The following TSEN15 variants were observed in gnomAD, a reference collection of about 807,000 sequenced individuals.
TSEN15 encodes tRNA-splicing endonuclease subunit Sen15.
In TSEN15, 10 loss-of-function variants were observed where a neutral mutation model predicts 20.5. The ratio of observed to expected loss-of-function variants is 0.49; its 90% CI spans 0.30 to 0.83. TSEN15 has a LOEUF of 0.83. Among genes scored for constraint, TSEN15 ranks in the 40% least tolerant of loss-of-function variants. The pLI, the probability that TSEN15 is intolerant of heterozygous loss-of-function variation, is 0.06. For missense variants in TSEN15, 180 were observed against 218.6 expected, an observed-to-expected ratio of 0.82 and a Z score of 1.11; for synonymous variants, 72 against 80.1, an observed-to-expected ratio of 0.90 and a Z score of 0.54.
chr1:184,060,044 A>G (rs1279880884), intron 3 of TSEN15, among the ~76,000 whole-genome samples: 4 of 152,236 alleles, frequency 2.6e-5, no homozygotes, highest in Non-Finnish European at 5.9e-5. Context: ...AAAAATCCCA[A>G]TGGGAAACAT....
At chr1:184,067,941 A>AAAAAAAATATAT (rs1400681024) in intron 3 of TSEN15, among the ~76,000 whole-genome samples, 2 of 95,602 alleles carry the variant, frequency 2.1e-5, no homozygotes, top group African/African-American at 8.4e-5. Context: ...AAAAAAAAAA[A>AAAAAAAATATAT]ATATATATAT....
chr1:184,079,172 G>A (rs1651117923), downstream of TSEN15, among the ~76,000 whole-genome samples: 2 of 152,130 alleles, frequency 1.3e-5, no homozygotes, highest in Admixed American at 1.3e-4. Flanking sequence ...ACTAAGGAAA[G>A]TGGATGGAAA....
At chr1:184,076,161 T>C (rs1211905188), downstream of TSEN15, among the ~76,000 whole-genome samples, 1 of 152,084 alleles carries the variant, frequency 6.6e-6, no homozygotes, top group Non-Finnish European at 1.5e-5. Context: ...AAATTGAAGG[T>C]TTGTGGCAAC....
At chr1:184,077,069 C>T (rs1651074473), downstream of TSEN15, among the ~76,000 whole-genome samples, 1 of 152,020 alleles carries the variant, frequency 6.6e-6, no homozygotes, top group African/African-American at 2.4e-5. Flanking sequence ...GACAGACGGC[C>T]TTATATTGGA....
chr1:184,085,919 G>A (rs1478249591), intron 3 of TSEN15, among the ~76,000 whole-genome samples: 2 of 152,170 alleles, frequency 1.3e-5, no homozygotes, highest in Non-Finnish European at 2.9e-5. Context: ...GTCAGGACTA[G>A]TCAAGGAACT....
intron 3 of TSEN15, among the ~76,000 whole-genome samples, chr1:184,056,531 T>C (rs1188500066): frequency 6.6e-6 from 1 of 152,168 alleles, no homozygotes; most frequent in East Asian, 1.9e-4. Context: ...GTAACAGTTC[T>C]TAATTTGAAT....
At position 184,089,547 on chromosome 1, in the gene TSEN15, G is replaced by A. The variant is rs75305498; in HGVS notation, c.354-6143G>A. ...AGAGACTATCGGAGATGGAGGAGAA[G>A]AGTGGAGTGACCCTGGTGCAACTGG... On this transcript the variant is annotated intron_variant, in intron 3 of 3. Transcript: ENST00000643231. Among the ~76,000 whole-genome samples, 579 of 152,268 alleles carry A rather than the reference G, an allele frequency of 3.8e-3. 8 individuals are homozygous for A. Among genetic ancestry groups the A allele is most frequent in the Middle Eastern group, 0.014 (4 of 294 alleles).
chr1:184,092,154 C>T (rs996826263), intron 3 of TSEN15, among the ~76,000 whole-genome samples: 23 of 152,276 alleles, frequency 1.5e-4, no homozygotes, highest in Middle Eastern at 3.4e-3. Flanking sequence ...CAAGGTATAA[C>T]CAGACAGATG....
chr1:184,095,140 C>T, intron 3 of TSEN15: 1 of 398,368 alleles, frequency 2.5e-6, no homozygotes, highest in Non-Finnish European at 4.4e-6. Flanking sequence ...AGCAGAGTAA[C>T]CCATGACTTG....
At chr1:184,081,018 T>C (rs547457326) in intron 3 of TSEN15, among the ~76,000 whole-genome samples, 4 of 152,342 alleles carry the variant, frequency 2.6e-5, no homozygotes, top group Non-Finnish European at 4.4e-5. Flanking sequence ...TATGTTATTA[T>C]TAGATTCAAT....
At chr1:184,075,910 ATT>A (rs200324927), downstream of TSEN15, among the ~76,000 whole-genome samples, 23 of 123,750 alleles carry the variant, frequency 1.9e-4, 1 homozygote, top group African/African-American at 5.9e-4. Flanking sequence ...ATATATATAT[ATT>A]TTTTTTTTTC....
At chr1:184,064,986 C>T (rs1472194943) in intron 3 of TSEN15, among the ~76,000 whole-genome samples, 1 of 152,172 alleles carries the variant, frequency 6.6e-6, no homozygotes, top group Non-Finnish European at 1.5e-5. Flanking sequence ...TTCCATGAAC[C>T]TCAGACTCAT....
chr1:184,088,654 TA>T (rs1651306390), intron 3 of TSEN15, among the ~76,000 whole-genome samples: 3 of 121,694 alleles, frequency 2.5e-5, no homozygotes, highest in African/African-American at 9.0e-5. Context: ...GAATGACTTA[TA>T]TGAGTACACA....
intron 3 of TSEN15, among the ~76,000 whole-genome samples, chr1:184,057,780 A>G (rs1272933192): frequency 1.4e-4 from 21 of 152,160 alleles, no homozygotes; most frequent in Admixed American, 1.4e-3. Flanking sequence ...ATGTCAGTCT[A>G]TTCATATGCT....
At chr1:184,054,996 A>C in intron 3 of TSEN15, 133 bp downstream of exon 3, 1 of 1,010,388 alleles carries the variant, frequency 9.9e-7, no homozygotes, top group Non-Finnish European at 1.4e-6. Context: ...TTTGAGGAAT[A>C]AGTTAAATAT....
chr1:184,081,551 A>G (rs899655290), intron 3 of TSEN15, among the ~76,000 whole-genome samples: 2 of 152,190 alleles, frequency 1.3e-5, no homozygotes, highest in African/African-American at 4.8e-5. Flanking sequence ...TGGATTGAGG[A>G]AAAGGAATAT....
At chr1:184,054,295 G>C in intron 1 of TSEN15, 59 bp from the exon 2 acceptor site, 1 of 1,117,820 alleles carries the variant, frequency 8.9e-7, no homozygotes, top group Non-Finnish European at 1.3e-6. Flanking sequence ...CTTGATGATT[G>C]GAAGAAAATA....
intron 3 of TSEN15, among the ~76,000 whole-genome samples, chr1:184,083,571 G>A (rs569078221): frequency 2.0e-5 from 3 of 152,082 alleles, no homozygotes; most frequent in Non-Finnish European, 4.4e-5. Context: ...ATTGTGGATT[G>A]TACTTCTGTT....
At chr1:184,078,521 G>C (rs1651105152), downstream of TSEN15, among the ~76,000 whole-genome samples, 3 of 152,078 alleles carry the variant, frequency 2.0e-5, no homozygotes, top group South Asian at 6.2e-4. Context: ...TTTCTCTCTG[G>C]TGCCGCCTTT....
Sources: allele counts gnomAD v4.1 joint callset (sites outside exome capture counted in the v4.1 genomes callset), GRCh38; gene constraint gnomAD v4.1.1; transcripts MANE v1.5; gene names NCBI Gene and HGNC (gene_info 2026-07-23, HGNC 2026-07-21).